WFS1: variants seen among roughly 807,000 people sequenced by gnomAD.
WFS1 encodes the protein wolframin.
WFS1 carries 90 observed loss-of-function variants against 68.5 expected under a neutral mutation model. That is an observed-to-expected ratio of 1.31 (90% CI 1.11 to 1.56). The LOEUF (loss-of-function observed/expected upper bound fraction) is 1.56. WFS1 is among the 40% of genes most tolerant of loss of function. The pLI, the probability that WFS1 is intolerant of heterozygous loss-of-function variation, is 0.00. For synonymous variants in WFS1, 860 were observed against 540.7 expected (o/e 1.59, Z -8.19); for missense variants, 1,767 against 1,232.6 (o/e 1.43, Z -6.49).
intron 1 of WFS1, among the ~76,000 whole-genome samples, chr4:6,270,413 C>CA (rs1729768126): frequency 6.6e-6 from 1 of 151,764 alleles, no homozygotes; most frequent in African/African-American, 2.4e-5. Context: ...CCCACGGCCG[C>CA]CCTCGGTGCC....
chr4:6,286,223 G>T (rs1383202265), intron 2 of WFS1, among the ~76,000 whole-genome samples: 2 of 152,052 alleles, frequency 1.3e-5, no homozygotes, highest in Non-Finnish European at 2.9e-5. Flanking sequence ...GTCTCTCCCA[G>T]ATTCATTTGC....
chr4:6,282,099 C>T (rs1001717930), intron 2 of WFS1, among the ~76,000 whole-genome samples: 1 of 152,332 alleles, frequency 6.6e-6, no homozygotes, highest in Non-Finnish European at 1.5e-5. Flanking sequence ...CTCGGCTACG[C>T]AGGGCCTGTT....
intron 6 of WFS1, among the ~76,000 whole-genome samples, chr4:6,294,170 C>T (rs1414239825): frequency 6.6e-6 from 1 of 152,178 alleles, no homozygotes; most frequent in Admixed American, 6.5e-5. Flanking sequence ...TCTCCCTCTG[C>T]CCTGCCCCAG....
intron 1 of WFS1, among the ~76,000 whole-genome samples, chr4:6,270,587 G>A (rs1455254691): frequency 6.6e-6 from 1 of 152,320 alleles, no homozygotes; most frequent in Non-Finnish European, 1.5e-5. Flanking sequence ...TCTCTCTCGG[G>A]GCCCCTCAGT....
chr4:6,287,578 C>T lies in WFS1; in HGVS notation c.315+403C>T, dbSNP rs921357969. 6.6e-6 allele frequency among the ~76,000 whole-genome samples: 1 copy of T among 152,226 alleles called. No homozygotes were observed. Among genetic ancestry groups the T allele is most frequent in the Admixed American group, 6.5e-5 (1 of 15,290 alleles). Reference sequence around the variant, plus strand: ...GTGCACGGGGCCCTCAGAGCGGTGACCATTCACTTGGGCATCAGCCAAGGG... The same window carrying T: ...GTGCACGGGGCCCTCAGAGCGGTGATCATTCACTTGGGCATCAGCCAAGGG... On this transcript the variant is annotated intron_variant, in intron 3 of 7. Coordinates refer to ENST00000226760, the MANE Select transcript of WFS1 (RefSeq NM_006005.3). This position sits in a 1 kb window ranked among gnomAD's most constrained non-coding sequence, Gnocchi z 6.4.
In WFS1 at chr4:6,269,914, A is replaced by C. The variant is rs868329184; in HGVS notation, c.-106A>C. The stretch of plus-strand genomic sequence containing the variant: ...GCAGATTGCTCCCCCGCGGCCGCAG[A>C]TCTCCCGTTTGCGCCGCGTTCAGCT... On this transcript the variant is annotated 5_prime_UTR_variant, in exon 1 of 8. Coordinates refer to ENST00000226760, the MANE Select transcript of WFS1 (RefSeq NM_006005.3). 3 of 151,898 alleles carry C rather than the reference A, an allele frequency of 2.0e-5. No homozygotes were observed. The highest frequency in any genetic ancestry group is 2.9e-5 in the Non-Finnish European group (2 of 67,958). The allele number at this position is 151,898 out of a possible 1,614,324, so 9.4% of individuals were successfully genotyped here. A position where few individuals can be genotyped will look rare whatever the true frequency, so the allele number is the denominator to read the frequency against.
chr4:6,299,521 GAA>G lies in WFS1; in HGVS notation c.862-1135_862-1134del, dbSNP rs1560416243. Among the ~76,000 whole-genome samples the G allele has an allele frequency of 4.6e-4, 66 of 141,950 alleles. 2 individuals carry two copies. The highest frequency in any genetic ancestry group is 1.7e-3 in the African/African-American group (60 of 35,894). The allele number at this position is 141,950 out of a possible 152,430, so 93.1% of individuals were successfully genotyped here. ...GTGTAGGGGTGGGTTGCGTGTGTGT[GAA>G]TGTGTATAGGGGTGGGTTGTGTGAA... On this transcript the variant is annotated intron_variant, in intron 7 of 7. Transcript: ENST00000226760.
chr4:6,275,933 T>G (rs888481422), intron 1 of WFS1, among the ~76,000 whole-genome samples: 2 of 152,138 alleles, frequency 1.3e-5, no homozygotes, highest in Non-Finnish European at 2.9e-5. Flanking sequence ...GTCTCACTGG[T>G]CCTCACAGTT....
At chr4:6,291,082 T>C (rs1730449041) in intron 4 of WFS1, 115 bp from the exon 5 acceptor site, 6 of 1,230,908 alleles carry the variant, frequency 4.9e-6, no homozygotes, top group Non-Finnish European at 7.0e-6. Flanking sequence ...AACCAAGTCC[T>C]GACACCTTCT....
intron 3 of WFS1, 64 bp from the exon 4 acceptor site, chr4:6,288,923 G>A: frequency 9.5e-6 from 15 of 1,579,170 alleles, no homozygotes; most frequent in Non-Finnish European, 1.3e-5. Context: ...GAGGTGGGCT[G>A]GCAGGGAGCA....
rs1173029790 is a variant in WFS1 at position 6,300,759 on chromosome 4, C to T, written c.964C>T (p.His322Tyr). The T allele has an allele frequency of 4.3e-6, 7 of 1,613,694 alleles. No homozygotes were observed. The highest frequency in any genetic ancestry group is 5.9e-6 in the Non-Finnish European group (7 of 1,179,742). Residue 322 changes from histidine to tyrosine, a missense_variant, in exon 8 of 8, where the codon CAC becomes TAC. Transcript: ENST00000226760. ...MHWLSTIIPT[H>Y]HINALIFFFI... ...CTGGCTGTCCACCATCATCCCCACG[C>T]ACCACATCAACGCGCTCATCTTCTT... is the stretch of plus-strand genomic sequence containing the variant.
At chr4:6,285,159 G>GTCCAGGGAGAGTCACA (rs1730276687) in intron 2 of WFS1, among the ~76,000 whole-genome samples, 1 of 58,012 alleles carries the variant, frequency 1.7e-5, no homozygotes, top group African/African-American at 8.3e-5. Flanking sequence ...CAAGAGTTGC[G>GTCCAGGGAGAGTCACA]TCCAGGGAGA....
At chr4:6,281,272 C>T (rs2109110429) in intron 2 of WFS1, among the ~76,000 whole-genome samples, 1 of 152,234 alleles carries the variant, frequency 6.6e-6, no homozygotes, top group East Asian at 1.9e-4. Flanking sequence ...AAAGCAGGCA[C>T]CCCAGCTCCT....
At chr4:6,270,408 G>C (rs556686529) in intron 1 of WFS1, among the ~76,000 whole-genome samples, 322 of 149,570 alleles carry the variant, frequency 2.2e-3, no homozygotes, top group African/African-American at 7.4e-3. Context: ...CGGGACCCAC[G>C]GCCGCCCTCG....
chr4:6,302,825 C>A lies in WFS1; in HGVS notation c.*357C>A, dbSNP rs1731010944. ...CCCACCTTCAAGCACCCTGTTCCCT[C>A]TTTCTTTCTTTTGTGTTGGATTTGT... On this transcript the variant is annotated 3_prime_UTR_variant, in exon 8 of 8. Transcript: ENST00000226760. 5.5e-6 allele frequency: 2 copies of A among 366,130 alleles called. No individual in the cohort carries two copies. The highest frequency in any genetic ancestry group is 7.7e-5 in the South Asian group (2 of 25,962). The allele number at this position is 366,130 out of a possible 1,614,324, so 22.7% of individuals were successfully genotyped here.
chr4:6,274,702 G>T (rs978836165), intron 1 of WFS1, among the ~76,000 whole-genome samples: 4 of 152,224 alleles, frequency 2.6e-5, no homozygotes, highest in South Asian at 2.1e-4. Flanking sequence ...CTGGGGGAGG[G>T]GGGTAAGAAG....
At chr4:6,297,948 A>G (rs1420017586) in intron 7 of WFS1, among the ~76,000 whole-genome samples, 2 of 152,184 alleles carry the variant, frequency 1.3e-5, no homozygotes, top group East Asian at 3.9e-4. Flanking sequence ...GTCCAAGCAG[A>G]GGCTAGACGC....
At chr4:6,282,479 G>A (rs1291043408) in intron 2 of WFS1, among the ~76,000 whole-genome samples, 1 of 152,250 alleles carries the variant, frequency 6.6e-6, no homozygotes, top group Non-Finnish European at 1.5e-5. Flanking sequence ...AGTGAGGGAG[G>A]GAGGGAGAGG....
intron 6 of WFS1, 120 bp from the exon 7 acceptor site, chr4:6,294,921 A>T: frequency 3.2e-6 from 5 of 1,544,244 alleles, no homozygotes; most frequent in Non-Finnish European, 4.4e-6. Flanking sequence ...CTCCACCTGA[A>T]CCCACTCAGC....
Sources: allele counts gnomAD v4.1 joint callset (sites outside exome capture counted in the v4.1 genomes callset), GRCh38; gene constraint gnomAD v4.1.1; non-coding constraint Gnocchi (gnomAD v3.1); transcripts MANE v1.5; gene names NCBI Gene and HGNC (gene_info 2026-07-23, HGNC 2026-07-21).